BFSP2: variants seen among roughly 807,000 people sequenced by gnomAD.
BFSP2 encodes the protein beaded filament structural protein 2, also known as phakinin.
A neutral mutation model predicts 44.9 loss-of-function variants in BFSP2; 38 were observed. The observed-to-expected ratio is 0.85, with a 90% confidence interval of 0.65 to 1.11. The LOEUF is 1.11. Ranked by LOEUF, BFSP2 falls within the 50% of genes least tolerant of loss-of-function variation. BFSP2 has a pLI of 0.00. For missense variants in BFSP2, 525 were observed against 533.0 expected, an observed-to-expected ratio of 0.99 and a Z score of 0.15; for synonymous variants, 197 against 209.9, an observed-to-expected ratio of 0.94 and a Z score of 0.53.
chr3:133,425,981 A>AGGGGAGGGGG, intron 1 of BFSP2, among the ~76,000 whole-genome samples: 1 of 23,174 alleles, frequency 4.3e-5, no homozygotes, highest in African/African-American at 3.8e-4. Flanking sequence ...GGGGGAGGGG[A>AGGGGAGGGGG]AGGCAGGGCA....
chr3:133,471,160 G>T (rs1208388613), intron 5 of BFSP2, among the ~76,000 whole-genome samples: 1 of 152,210 alleles, frequency 6.6e-6, no homozygotes, highest in African/African-American at 2.4e-5. Context: ...GGAGATACAG[G>T]CCCAGGTTTG....
chr3:133,434,577 C>CT (rs2073762318), intron 1 of BFSP2, among the ~76,000 whole-genome samples: 1 of 152,212 alleles, frequency 6.6e-6, no homozygotes, highest in Non-Finnish European at 1.5e-5. Flanking sequence ...ACCCCTGTGA[C>CT]TTGCATGTAT....
intron 1 of BFSP2, among the ~76,000 whole-genome samples, chr3:133,441,400 T>G (rs2073843996): frequency 6.6e-6 from 1 of 152,164 alleles, no homozygotes; most frequent in South Asian, 2.1e-4. Flanking sequence ...TTCTTAGTTT[T>G]TGTCCCCAGG....
chr3:133,422,126 A>AT (rs2073598860), intron 1 of BFSP2, among the ~76,000 whole-genome samples: 2 of 150,944 alleles, frequency 1.3e-5, no homozygotes, highest in Non-Finnish European at 3.0e-5. Flanking sequence ...AAAAAAAAAA[A>AT]TCCACCACAT....
chr3:133,453,253 G>A (rs893227950), intron 4 of BFSP2, among the ~76,000 whole-genome samples: 3 of 152,168 alleles, frequency 2.0e-5, no homozygotes, highest in Non-Finnish European at 4.4e-5. Context: ...ATCTCTTGTC[G>A]GTTTCTTGGC....
chr3:133,458,029 A>C (rs184560075), intron 4 of BFSP2, among the ~76,000 whole-genome samples: 6 of 152,328 alleles, frequency 3.9e-5, no homozygotes, highest in Non-Finnish European at 7.4e-5. Context: ...TTGGCCCCAA[A>C]AGTGTGTGCA....
Position 133,448,587 on chromosome 3 carries a change from A to C in BFSP2, c.671A>C (p.Glu224Ala). 1 of 1,614,066 alleles carries C rather than the reference A, an allele frequency of 6.2e-7. No individual in the cohort carries two copies. The highest frequency in any genetic ancestry group is 8.5e-7 in the Non-Finnish European group (1 of 1,179,978). ...GCTAATTTGACTAAAATGGACCTGGAGAGTCAAATAGAAAGTCTGAAAGAA... is the reference window on the plus strand; with the variant it reads ...GCTAATTTGACTAAAATGGACCTGGCGAGTCAAATAGAAAGTCTGAAAGAA... ...DEANLTKMDL[E>A]SQIESLKEEL... The change falls in exon 3 of 7, where the codon GAG becomes GCG. Residue 224 changes from glutamate to alanine, a missense_variant. Transcript: ENST00000302334.
chr3:133,416,916 A>C (rs1220061444), intron 1 of BFSP2, among the ~76,000 whole-genome samples: 28 of 61,336 alleles, frequency 4.6e-4, no homozygotes, highest in South Asian at 1.7e-3. Context: ...TCTCCCCTCT[A>C]CTCACCCGTC....
intron 4 of BFSP2, among the ~76,000 whole-genome samples, chr3:133,464,109 A>G (rs1401758923): frequency 6.6e-6 from 1 of 152,056 alleles, no homozygotes; most frequent in East Asian, 1.9e-4. Context: ...ACCTACCTAC[A>G]CAGCCCATCT....
chr3:133,473,438 CAAA>C (rs748691333), intron 6 of BFSP2, among the ~76,000 whole-genome samples: 38 of 73,122 alleles, frequency 5.2e-4, no homozygotes, highest in African/African-American at 1.6e-3. Flanking sequence ...GAGGCAGCAG[CAAA>C]AAAAAAAAAA....
intron 1 of BFSP2, among the ~76,000 whole-genome samples, chr3:133,419,963 A>G (rs1183113520): frequency 1.3e-5 from 2 of 152,210 alleles, no homozygotes; most frequent in Non-Finnish European, 2.9e-5. Context: ...GAGGCCTGGC[A>G]TGAGGGATTT....
At chr3:133,450,883 G>A (rs2859679) in intron 4 of BFSP2, among the ~76,000 whole-genome samples, 73,559 of 151,982 alleles carry the variant, frequency 0.48, 21,409 homozygotes, top group Non-Finnish European at 0.65. Flanking sequence ...AGGCCAAGGC[G>A]GGCGGATCAT....
At chr3:133,449,984 AG>A (rs1260263150) in intron 3 of BFSP2, among the ~76,000 whole-genome samples, 1 of 86,200 alleles carries the variant, frequency 1.2e-5, no homozygotes. Flanking sequence ...AAAGAAGGAA[AG>A]GAAGGAAGGA....
At chr3:133,427,571 T>C (rs1241768790) in intron 1 of BFSP2, among the ~76,000 whole-genome samples, 1 of 152,218 alleles carries the variant, frequency 6.6e-6, no homozygotes, top group Non-Finnish European at 1.5e-5. Context: ...CCCACCTCCC[T>C]GCTCCTCAGC....
intron 1 of BFSP2, among the ~76,000 whole-genome samples, chr3:133,408,278 T>C (rs891621787): frequency 1.3e-5 from 2 of 152,174 alleles, no homozygotes; most frequent in Non-Finnish European, 2.9e-5. Context: ...ACTGCACTCA[T>C]AATAAGAGAA....
rs113051688 is a variant in BFSP2 at position 133,402,236 on chromosome 3, A to G, written c.489+1664A>G. On this transcript the variant is annotated intron_variant, in intron 1 of 6. Transcript: ENST00000302334. The stretch of plus-strand genomic sequence containing the variant: ...AATGGCTAGGTTAAAAAGTAGGGCC[A>G]CAAAACTTAGTTTATACTCAATAGA... 9.8e-3 allele frequency among the ~76,000 whole-genome samples: 1,489 copies of G among 152,370 alleles called. 26 individuals are homozygous for G. Among genetic ancestry groups the G allele is most frequent in the African/African-American group, 0.034 (1,413 of 41,588 alleles).
intron 1 of BFSP2, among the ~76,000 whole-genome samples, chr3:133,426,159 C>T (rs1417082420): frequency 1.3e-5 from 2 of 151,882 alleles, no homozygotes; most frequent in African/African-American, 2.4e-5. Context: ...TTAGACTCCC[C>T]TCTTGGAGCA....
chr3:133,449,573 C>G (rs570025985), intron 3 of BFSP2, among the ~76,000 whole-genome samples: 17 of 151,888 alleles, frequency 1.1e-4, no homozygotes, highest in Non-Finnish European at 2.2e-4. Flanking sequence ...CTTGTGGAGA[C>G]CAACCTAAGA....
At chr3:133,456,518 G>A (rs930243121) in intron 4 of BFSP2, among the ~76,000 whole-genome samples, 4 of 152,270 alleles carry the variant, frequency 2.6e-5, no homozygotes, top group Middle Eastern at 3.4e-3. Flanking sequence ...AGGTCAAGGT[G>A]GGCAGATCGC....
Sources: allele counts gnomAD v4.1 joint callset (sites outside exome capture counted in the v4.1 genomes callset), GRCh38; gene constraint gnomAD v4.1.1; transcripts MANE v1.5; gene names NCBI Gene and HGNC (gene_info 2026-07-23, HGNC 2026-07-21).